UBR4: variants seen among roughly 807,000 people sequenced by gnomAD.
UBR4 encodes ubiquitin protein ligase E3 component n-recognin 4, also known as E3 ubiquitin-protein ligase UBR4.
A neutral mutation model predicts 575.6 loss-of-function variants in UBR4; 124 were observed. That is an observed-to-expected ratio of 0.22 (90% CI 0.19 to 0.25). The LOEUF (loss-of-function observed/expected upper bound fraction) is 0.25, where lower values mean the gene tolerates loss of function less well. Among genes scored for constraint, UBR4 ranks in the 10% least tolerant of loss-of-function variants. The pLI, the probability that UBR4 is intolerant of heterozygous loss-of-function variation, is 1.00. For synonymous variants in UBR4, 2,455 were observed against 2,473.7 expected, an observed-to-expected ratio of 0.99 and a Z score of 0.22; for missense variants, 4,818 against 6,478.8, an observed-to-expected ratio of 0.74 and a Z score of 8.80.
At chr1:19,172,813 T>C in intron 25 of UBR4, 51 bp downstream of exon 25, 1 of 1,564,998 alleles carries the variant, frequency 6.4e-7, no homozygotes, top group Non-Finnish European at 8.8e-7. Flanking sequence ...ATGCGGGATC[T>C]GCACGGAGTG....
At chr1:19,201,622 C>T in intron 2 of UBR4, 96 bp downstream of exon 2, 1 of 1,097,704 alleles carries the variant, frequency 9.1e-7, no homozygotes, top group Non-Finnish European at 1.3e-6. Context: ...AAAACCTAGA[C>T]TTCATTAACA....
chr1:19,093,533 C>T lies in UBR4; in HGVS notation c.13938-47G>A. 1 of 1,592,252 alleles carries T rather than the reference C, an allele frequency of 6.3e-7. No homozygotes were observed. Among genetic ancestry groups the T allele is most frequent in the Non-Finnish European group, 8.6e-7 (1 of 1,164,766 alleles). Reference sequence around the variant, plus strand: ...TGAGGGTGTGAAAGGCGGGACAAAACCCAGTCATGTCACCCTCTTGGTTAA... The same window carrying T: ...TGAGGGTGTGAAAGGCGGGACAAAATCCAGTCATGTCACCCTCTTGGTTAA... On this transcript the variant is annotated intron_variant, in intron 95 of 105. Transcript: ENST00000375254. The surrounding 1 kb of genome is among the most constrained non-coding windows in gnomAD (Gnocchi z 4.8).
Position 19,198,522 on chromosome 1 carries a change from T to C in UBR4, c.648+19A>G. The C allele has an allele frequency of 6.2e-7, 1 of 1,607,078 alleles. No individual in the cohort carries two copies. Among genetic ancestry groups the C allele is most frequent in the Non-Finnish European group, 8.5e-7 (1 of 1,175,250 alleles). ...AACAAAACCCACAGAGAAGAAGACA[T>C]TTGACTAAAGAAACTCACCAGAGTC... is the stretch of plus-strand genomic sequence containing the variant. On this transcript the variant is annotated intron_variant, in intron 5 of 105. Transcript: ENST00000375254.
In UBR4 at chr1:19,094,155, G is replaced by C. The variant is rs748783371; in HGVS notation, c.13747-16C>G. The C allele has an allele frequency of 6.2e-7, 1 of 1,603,782 alleles. No homozygotes were observed. Among genetic ancestry groups the C allele is most frequent in the South Asian group, 1.1e-5 (1 of 89,470 alleles). ...GGAGGTTGCCCTGCAACAGAAAAGA[G>C]GGTGAACATGCCATTAATGCAGTCA... On this transcript the variant is annotated splice_polypyrimidine_tract_variant and intron_variant, in intron 94 of 105. Transcript: ENST00000375254.
intron 43 of UBR4, 152 bp from the exon 44 acceptor site, chr1:19,155,227 A>T (rs1394311782): frequency 1.6e-6 from 2 of 1,215,438 alleles, no homozygotes; most frequent in Admixed American, 5.1e-5. Flanking sequence ...GACCCTGAGA[A>T]AAATGGAACT....
rs1406863301 is a variant in UBR4 at position 19,185,160 on chromosome 1, G to A, written c.1877C>T (p.Pro626Leu). 2 of 1,614,148 alleles carry A rather than the reference G, an allele frequency of 1.2e-6. No individual in the cohort carries two copies. Among genetic ancestry groups the A allele is most frequent in the South Asian group, 1.1e-5 (1 of 91,086 alleles). Reference protein sequence around the residue: ...PLESSPRVKSPSKQAPGEKGN... With the variant: ...PLESSPRVKSLSKQAPGEKGN... ...CTTCTCACCAGGGGCCTGCTTACTG[G>A]GGCTTTTAACCCGAGGAGAGCTTTC... The change falls in exon 15 of 106, where the codon CCC becomes CTC. Residue 626 changes from proline (P) to leucine (L), a missense_variant. By Grantham distance (98) the Pro-to-Leu change is moderately conservative. Coordinates refer to ENST00000375254, the MANE Select transcript of UBR4 (RefSeq NM_020765.3).
At chr1:19,193,124 A>G (rs1012486847) in intron 9 of UBR4, among the ~76,000 whole-genome samples, 8 of 152,164 alleles carry the variant, frequency 5.3e-5, no homozygotes, top group Non-Finnish European at 1.2e-4. Context: ...CTTAATCACT[A>G]TCGGAAATTT....
In UBR4 at chr1:19,089,081, T is replaced by C. The variant is rs773118347; in HGVS notation, c.14212-104A>G. On this transcript the variant is annotated intron_variant, in intron 97 of 105. Coordinates refer to ENST00000375254, the MANE Select transcript of UBR4 (RefSeq NM_020765.3). The surrounding 1 kb of genome is among the most constrained non-coding windows in gnomAD (Gnocchi z 4.3). ...AACTCAACCAGCATGCACCATCTCA[T>C]GTCACCTGCTCAGCTGCAATCAGGT... 20 of 1,107,258 alleles carry C rather than the reference T, an allele frequency of 1.8e-5. No homozygotes were observed. The highest frequency in any genetic ancestry group is 2.5e-5 in the Non-Finnish European group (19 of 763,574). The allele number at this position is 1,107,258 out of a possible 1,614,324, so 68.6% of individuals were successfully genotyped here.
chr1:19,090,016 GTTA>G (rs2077358014), intron 97 of UBR4, among the ~76,000 whole-genome samples: 1 of 152,144 alleles, frequency 6.6e-6, no homozygotes. Context: ...TTACATTCTA[GTTA>G]TTAATAGGAC....
chr1:19,172,275 G>A (rs969913925), intron 25 of UBR4, among the ~76,000 whole-genome samples: 1 of 151,856 alleles, frequency 6.6e-6, no homozygotes, highest in African/African-American at 2.4e-5. Flanking sequence ...CCAGCACTTT[G>A]GGAGGCTGAG....
Position 19,163,844 on chromosome 1 carries a change from A to G in UBR4, c.4701-17T>C, listed in dbSNP as rs373918836. 3.1e-6 allele frequency: 5 copies of G among 1,613,572 alleles called. No homozygotes were observed. The highest frequency in any genetic ancestry group is 3.3e-5 in the Admixed American group (2 of 59,950). ...TATTTCTTGCTGTCCCAAAGAAAAA[A>G]AAGAGGGGAAAGAGGAGACACAAAA... On this transcript the variant is annotated splice_polypyrimidine_tract_variant and intron_variant, in intron 33 of 105. Coordinates refer to ENST00000375254, the MANE Select transcript of UBR4 (RefSeq NM_020765.3).
At chr1:19,201,937 C>T in intron 1 of UBR4, 122 bp from the exon 2 acceptor site, 1 of 799,028 alleles carries the variant, frequency 1.3e-6, no homozygotes, top group Non-Finnish European at 1.9e-6. Context: ...TCAACCTATT[C>T]CCCTTCAAGA....
At chr1:19,136,867 T>C (rs1272572443) in intron 60 of UBR4, among the ~76,000 whole-genome samples, 4 of 152,172 alleles carry the variant, frequency 2.6e-5, no homozygotes, top group African/African-American at 9.7e-5. Context: ...GAGAAATTCA[T>C]CCAGAGATGT....
intron 97 of UBR4, among the ~76,000 whole-genome samples, chr1:19,090,705 T>C (rs2077420753): frequency 6.6e-6 from 1 of 152,118 alleles, no homozygotes; most frequent in Non-Finnish European, 1.5e-5. Flanking sequence ...CAACAAGATG[T>C]GTTGCAAGAA....
intron 16 of UBR4, 25 bp from the exon 17 acceptor site, chr1:19,183,921 T>C: frequency 6.2e-7 from 1 of 1,613,960 alleles, no homozygotes; most frequent in South Asian, 1.1e-5. Flanking sequence ...GAAAAGCCAA[T>C]TATTTAAGCA....
chr1:19,077,397 G>A (rs2076055091), intron 104 of UBR4, among the ~76,000 whole-genome samples: 1 of 152,200 alleles, frequency 6.6e-6, no homozygotes, highest in Non-Finnish European at 1.5e-5. Flanking sequence ...CTGCACAGCC[G>A]AGTCTGGAGC....
intron 39 of UBR4, among the ~76,000 whole-genome samples, chr1:19,158,676 T>C (rs1424963203): frequency 2.0e-5 from 3 of 151,968 alleles, no homozygotes; most frequent in African/African-American, 7.3e-5. Context: ...TTGCCCAGGA[T>C]GGTCCCGAAC....
chr1:19,166,714 CAAAAAAAAAAAAAAAAAAAAA>C (rs535369262), intron 29 of UBR4, among the ~76,000 whole-genome samples: 75 of 73,752 alleles, frequency 1.0e-3, no homozygotes, highest in Admixed American at 2.3e-3. Flanking sequence ...CCATCTCTAC[CAAAAAAAAAAAAAAAAAAAAA>C]AAAAAAAAAA....
In UBR4 at chr1:19,155,071, C is replaced by T; in HGVS notation, c.6305G>A (p.Ser2102Asn). The change falls in exon 44 of 106, where the codon AGT becomes AAT. Residue 2102 changes from serine (S) to asparagine (N), a missense_variant. By Grantham distance (46) the Ser-to-Asn change is conservative. This residue lies in a region of UBR4 where 461 missense variants were observed against 606.9 expected (regional missense o/e 0.76). Transcript: ENST00000375254. The part of the protein sequence containing the change: ...LEINHEDLKD[S>N]NSQVAGGGVS... ...ACCACCGCCCGCCACCTGGCTGTTACTGTCCTGCTGGCACAAAGACACATA... is the reference window on the plus strand; with the variant it reads ...ACCACCGCCCGCCACCTGGCTGTTATTGTCCTGCTGGCACAAAGACACATA... 13 of 1,613,752 alleles carry T rather than the reference C, an allele frequency of 8.1e-6. No homozygotes were observed. Among genetic ancestry groups the T allele is most frequent in the Non-Finnish European group, 1.1e-5 (13 of 1,179,934 alleles).
Sources: allele counts gnomAD v4.1 joint callset (sites outside exome capture counted in the v4.1 genomes callset), GRCh38; gene constraint gnomAD v4.1.1; regional missense constraint gnomAD v4.1.1; non-coding constraint Gnocchi (gnomAD v3.1); transcripts MANE v1.5; gene names NCBI Gene and HGNC (gene_info 2026-07-23, HGNC 2026-07-21).